The following NCKAP5 variants were observed in gnomAD, a reference collection of about 807,000 sequenced individuals.
NCKAP5 encodes nck-associated protein 5.
Under a neutral mutation model 167.0 loss-of-function variants are expected in NCKAP5, and 92 were observed. The observed-to-expected ratio is 0.55, with a 90% confidence interval of 0.47 to 0.66. The LOEUF is 0.66. Ranked by LOEUF, NCKAP5 falls within the 30% of genes least tolerant of loss-of-function variation. NCKAP5 has a pLI of 0.00. For synonymous variants in NCKAP5, 891 were observed against 877.4 expected (o/e 1.02, Z -0.27); for missense variants, 2,378 against 2,315.0 (o/e 1.03, Z -0.56).
rs186801791 is a variant in NCKAP5, at chr2:132,983,724, C to A, written c.429+10428G>T. Among the ~76,000 whole-genome samples the A allele has an allele frequency of 9.2e-5, 14 of 152,272 alleles. No homozygotes were observed. In the East Asian group the frequency reaches 2.7e-3, roughly 29 times the overall value. ...ATGGGAGTCGGGAGGAGGGGGGCAA[C>A]TTCAATAGACTTCTCTACTATCTCC... On this transcript the variant is annotated intron_variant, in intron 7 of 19. Coordinates refer to ENST00000409261, the MANE Select transcript of NCKAP5 (RefSeq NM_207363.3).
intron 6 of NCKAP5, among the ~76,000 whole-genome samples, chr2:133,013,592 G>A (rs891644677): frequency 2.0e-5 from 3 of 152,094 alleles, no homozygotes; most frequent in African/African-American, 7.2e-5. Flanking sequence ...ACCTCTTACT[G>A]GGTTCCTCCC....
At chr2:132,819,240 T>C (rs1332208322) in intron 11 of NCKAP5, among the ~76,000 whole-genome samples, 1 of 152,178 alleles carries the variant, frequency 6.6e-6, no homozygotes, top group East Asian at 1.9e-4. Context: ...TTTCAGGGAT[T>C]CTGAGTCCTG....
intron 3 of NCKAP5, among the ~76,000 whole-genome samples, chr2:133,347,414 A>G (rs931212160): frequency 6.6e-4 from 100 of 152,194 alleles, no homozygotes; most frequent in African/African-American, 2.3e-3. Flanking sequence ...TTAGCCAGGC[A>G]TGGTGGCACA....
At chr2:132,910,112 T>C (rs1694330354) in intron 8 of NCKAP5, among the ~76,000 whole-genome samples, 1 of 152,128 alleles carries the variant, frequency 6.6e-6, no homozygotes, top group African/African-American at 2.4e-5. Flanking sequence ...TTTTTTTTCA[T>C]TTCTAATTTT....
intron 1 of NCKAP5, among the ~76,000 whole-genome samples, chr2:133,562,052 AAG>A (rs1688195460): frequency 6.6e-6 from 1 of 152,110 alleles, no homozygotes; most frequent in African/African-American, 2.4e-5. Context: ...GAGGTACAAA[AAG>A]ATATATTATA....
At chr2:133,108,975 G>A (rs1325199644) in intron 6 of NCKAP5, among the ~76,000 whole-genome samples, 1 of 151,982 alleles carries the variant, frequency 6.6e-6, no homozygotes, top group Non-Finnish European at 1.5e-5. Flanking sequence ...CACAGTTATT[G>A]TGAATAAAGG....
chr2:133,089,792 T>A (rs181817504), intron 6 of NCKAP5, among the ~76,000 whole-genome samples: 1 of 152,312 alleles, frequency 6.6e-6, no homozygotes, highest in African/African-American at 2.4e-5. Context: ...TTCCCACATA[T>A]TAAAAGATCA....
At chr2:132,855,132 C>A (rs1292383527) in intron 11 of NCKAP5, among the ~76,000 whole-genome samples, 50 of 152,126 alleles carry the variant, frequency 3.3e-4, no homozygotes. Context: ...TCATCGAAAG[C>A]CTTGCTCTGC....
intron 3 of NCKAP5, among the ~76,000 whole-genome samples, chr2:133,515,612 C>T (rs1683914071): frequency 1.3e-5 from 2 of 152,212 alleles, no homozygotes; most frequent in African/African-American, 4.8e-5. Flanking sequence ...TTTCAGGGTA[C>T]AGCCATATGC....
chr2:133,611,438 T>G, the NCKAP5 span, among the ~76,000 whole-genome samples: 2 of 152,202 alleles, frequency 1.3e-5, no homozygotes, highest in African/African-American at 4.8e-5. Context: ...TCCTTTGTAA[T>G]ATCTACCAGG....
intron 16 of NCKAP5, among the ~76,000 whole-genome samples, chr2:132,751,698 C>T (rs1680129752): frequency 6.6e-6 from 1 of 152,110 alleles, no homozygotes; most frequent in South Asian, 2.1e-4. Flanking sequence ...TTAAAAGATC[C>T]CTGTGCAATT....
chr2:132,709,146 CA>C (rs200997443), intron 19 of NCKAP5, among the ~76,000 whole-genome samples: 19 of 136,840 alleles, frequency 1.4e-4, no homozygotes, highest in East Asian at 7.9e-4. Context: ...ATAATATCTA[CA>C]CCCCCCCACC....
At chr2:133,419,891 C>T (rs55939901) in intron 3 of NCKAP5, among the ~76,000 whole-genome samples, 1 of 152,206 alleles carries the variant, frequency 6.6e-6, no homozygotes, top group African/African-American at 2.4e-5. Flanking sequence ...GAGACATACA[C>T]GCATTCACAA....
intron 11 of NCKAP5, among the ~76,000 whole-genome samples, chr2:132,797,242 C>T (rs541644057): frequency 6.6e-6 from 1 of 152,298 alleles, no homozygotes; most frequent in South Asian, 2.1e-4. Flanking sequence ...CTGTTAGGAA[C>T]AATTAATGTG....
At chr2:133,475,424 A>G (rs1382451811) in intron 3 of NCKAP5, among the ~76,000 whole-genome samples, 3 of 152,208 alleles carry the variant, frequency 2.0e-5, no homozygotes, top group Middle Eastern at 3.2e-3. Context: ...CAATTAAACC[A>G]TCTACATAAA....
intron 3 of NCKAP5, among the ~76,000 whole-genome samples, chr2:133,516,475 TA>T (rs1684010512): frequency 6.6e-6 from 1 of 152,200 alleles, no homozygotes; most frequent in African/African-American, 2.4e-5. Flanking sequence ...GAACTTGACA[TA>T]AATGCTTAAC....
At chr2:133,584,994 G>GAAGGAAGGA in the NCKAP5 span, among the ~76,000 whole-genome samples, 14 of 148,904 alleles carry the variant, frequency 9.4e-5, no homozygotes, top group African/African-American at 2.7e-4. Flanking sequence ...AGGAAGGAAG[G>GAAGGAAGGA]AGGGAAAGAA....
chr2:132,771,785 G>T (rs1574148580), intron 16 of NCKAP5, among the ~76,000 whole-genome samples: 1 of 147,932 alleles, frequency 6.8e-6, no homozygotes, highest in Non-Finnish European at 1.5e-5. Flanking sequence ...CCGTTCTCCT[G>T]CCTCAGCCTC....
At chr2:133,311,092 T>G (rs189710763) in intron 3 of NCKAP5, among the ~76,000 whole-genome samples, 1 of 152,196 alleles carries the variant, frequency 6.6e-6, no homozygotes, top group Non-Finnish European at 1.5e-5. Flanking sequence ...TAGCATCACA[T>G]CCCTCAGGGT....
Sources: allele counts gnomAD v4.1 joint callset (sites outside exome capture counted in the v4.1 genomes callset), GRCh38; gene constraint gnomAD v4.1.1; transcripts MANE v1.5; gene names NCBI Gene and HGNC (gene_info 2026-07-23, HGNC 2026-07-21).